Variants in RNF144A observed in about 807,000 individuals in gnomAD.
RNF144A encodes ring finger protein 144A.
A neutral mutation model predicts 38.7 loss-of-function variants in RNF144A; 11 were observed. That is an observed-to-expected ratio of 0.28 (90% CI 0.18 to 0.47). The LOEUF (loss-of-function observed/expected upper bound fraction) is 0.47. Ranked by LOEUF, RNF144A falls within the 20% of genes least tolerant of loss-of-function variation. The pLI is 0.99. For missense variants in RNF144A, 316 were observed against 377.2 expected (o/e 0.84, Z 1.34); for synonymous variants, 149 against 143.9 (o/e 1.04, Z -0.25).
At chr2:7,028,086 A>G (rs1407426436) in intron 7 of RNF144A, among the ~76,000 whole-genome samples, 4 of 152,092 alleles carry the variant, frequency 2.6e-5, no homozygotes, top group Admixed American at 1.3e-4. Flanking sequence ...AGGAGGCTGC[A>G]TGGCTAAGGG....
chr2:6,991,589 G>A (rs941513964), intron 2 of RNF144A, among the ~76,000 whole-genome samples: 2 of 152,096 alleles, frequency 1.3e-5, no homozygotes, highest in African/African-American at 4.8e-5. Flanking sequence ...TGACTAAATA[G>A]CCCTGTATGT....
intron 2 of RNF144A, among the ~76,000 whole-genome samples, chr2:6,954,852 G>A (rs527932339): frequency 1.3e-5 from 2 of 152,172 alleles, no homozygotes; most frequent in African/African-American, 2.4e-5. Context: ...CTTAGCTGTC[G>A]TCAAGTTGAT....
rs938953427 is a variant in RNF144A, at chr2:6,923,791, G to A, written c.-212+6169G>A. On this transcript the variant is annotated intron_variant, in intron 1 of 8. Coordinates refer to ENST00000320892, the MANE Select transcript of RNF144A (RefSeq NM_014746.6). ...GTTTTCCCCACCAGGTGCTTCCATA[G>A]CAACTTTATTTTTTTTTTTCAGAAC... Among the ~76,000 whole-genome samples, 3 of 140,646 alleles carry A rather than the reference G, an allele frequency of 2.1e-5. No individual in the cohort carries two copies. The East Asian group carries it at 8.8e-4, about 41-fold the overall frequency. The allele number at this position is 140,646 out of a possible 152,430, so 92.3% of individuals were successfully genotyped here. A position where few individuals can be genotyped will look rare whatever the true frequency, so the allele number is the denominator to read the frequency against.
At position 7,030,207 on chromosome 2, in the gene RNF144A, C is replaced by A; in HGVS notation, c.739C>A (p.Arg247=). Residue 247 remains arginine (R), a synonymous_variant, in exon 8 of 9, where the codon CGG becomes AGG. Transcript: ENST00000320892. ...GHSRASVIWH[R]TQVVGIFAGF... ...CTCCCGGGCATCTGTGATCTGGCAT[C>A]GGACACAGGTAGGAGGTGATTTGCC... 6.2e-7 allele frequency: 1 copy of A among 1,610,858 alleles called. No individual in the cohort carries two copies. The highest frequency in any genetic ancestry group is 8.5e-7 in the Non-Finnish European group (1 of 1,178,078).
chr2:6,998,125 A>G (rs1044552776), intron 3 of RNF144A, among the ~76,000 whole-genome samples: 5 of 152,078 alleles, frequency 3.3e-5, no homozygotes, highest in African/African-American at 1.2e-4. Context: ...AAAACACAAT[A>G]TTTATCATTT....
At chr2:7,006,241 G>T (rs1217527036) in intron 3 of RNF144A, among the ~76,000 whole-genome samples, 1 of 152,142 alleles carries the variant, frequency 6.6e-6, no homozygotes, top group Non-Finnish European at 1.5e-5. Context: ...CAGGGATGCT[G>T]TAGTTATAAC....
intron 1 of RNF144A, chr2:6,933,366 A>G (rs982865333): frequency 6.6e-6 from 1 of 152,234 alleles, no homozygotes; most frequent in South Asian, 2.1e-4. Context: ...TTGGATTTCT[A>G]TGTGGATTTC....
At chr2:7,035,366 T>C (rs1672601387) in intron 8 of RNF144A, among the ~76,000 whole-genome samples, 1 of 152,178 alleles carries the variant, frequency 6.6e-6, no homozygotes, top group South Asian at 2.1e-4. Context: ...CCATAAAACA[T>C]CCCTGTGCAC....
At chr2:6,927,740 A>G (rs1354075985) in intron 1 of RNF144A, among the ~76,000 whole-genome samples, 2 of 152,170 alleles carry the variant, frequency 1.3e-5, no homozygotes, top group Non-Finnish European at 2.9e-5. Flanking sequence ...TGTTATATAG[A>G]TTGTATGTTG....
intron 1 of RNF144A, among the ~76,000 whole-genome samples, chr2:6,923,666 C>T (rs1664684057): frequency 6.6e-6 from 1 of 152,168 alleles, no homozygotes; most frequent in Non-Finnish European, 1.5e-5. Flanking sequence ...AAGATGGAGC[C>T]GCACGGAGCA....
chr2:6,971,392 T>C (rs1667992699), intron 2 of RNF144A, among the ~76,000 whole-genome samples: 2 of 152,350 alleles, frequency 1.3e-5, no homozygotes, highest in South Asian at 4.1e-4. Context: ...TCCAGTCTTC[T>C]TCAGCATATC....
At position 6,941,410 on chromosome 2, in the gene RNF144A, C is replaced by T. The variant is rs73914438; in HGVS notation, c.-12+263C>T. Among the ~76,000 whole-genome samples, 1 of 152,212 alleles carries T rather than the reference C, an allele frequency of 6.6e-6. No homozygotes were observed. Among genetic ancestry groups the T allele is most frequent in the Non-Finnish European group, 1.5e-5 (1 of 68,032 alleles). The stretch of plus-strand genomic sequence containing the variant: ...TTATTCATTTGCTGCTTTTAACAAT[C>T]CTTGGAGTCTCCTGTTTTAGATCTC... On this transcript the variant is annotated intron_variant, in intron 2 of 8. Coordinates refer to ENST00000320892, the MANE Select transcript of RNF144A (RefSeq NM_014746.6). The surrounding 1 kb of genome is among the most constrained non-coding windows in gnomAD (Gnocchi z 6.5).
At chr2:6,930,161 C>T (rs1272588971) in intron 1 of RNF144A, among the ~76,000 whole-genome samples, 1 of 152,124 alleles carries the variant, frequency 6.6e-6, no homozygotes, top group Admixed American at 6.5e-5. Flanking sequence ...ATAATAGCCC[C>T]AAATGGAAAA....
intron 2 of RNF144A, among the ~76,000 whole-genome samples, chr2:6,954,565 C>A (rs968349469): frequency 6.6e-6 from 1 of 152,186 alleles, no homozygotes; most frequent in Non-Finnish European, 1.5e-5. Context: ...TCTGCAATTA[C>A]TGATTTTTGT....
chr2:6,990,876 A>G (rs1240174417), intron 2 of RNF144A, among the ~76,000 whole-genome samples: 1 of 152,050 alleles, frequency 6.6e-6, no homozygotes, highest in Non-Finnish European at 1.5e-5. Flanking sequence ...GCAACCACTG[A>G]TCTTTTTATT....
intron 2 of RNF144A, among the ~76,000 whole-genome samples, chr2:6,947,517 A>T (rs1305480170): frequency 6.6e-6 from 1 of 152,210 alleles, no homozygotes; most frequent in Non-Finnish European, 1.5e-5. Context: ...CCCGAGAAGA[A>T]AGTTTCTACA....
chr2:6,944,867 T>A lies in RNF144A; in HGVS notation c.-12+3720T>A, dbSNP rs1304989988. Among the ~76,000 whole-genome samples the A allele has an allele frequency of 6.6e-6, 1 of 152,186 alleles. No individual in the cohort carries two copies. The highest frequency in any genetic ancestry group is 1.5e-5 in the Non-Finnish European group (1 of 68,028). On this transcript the variant is annotated intron_variant, in intron 2 of 8. Coordinates refer to ENST00000320892, the MANE Select transcript of RNF144A (RefSeq NM_014746.6). This position sits in a 1 kb window ranked among gnomAD's most constrained non-coding sequence, Gnocchi z 4.7. ...GTGAAGTGGCCAAAATACTAGAAAA[T>A]GACATTCCAGCACGAGCAAAGATTT...
intron 1 of RNF144A, among the ~76,000 whole-genome samples, chr2:6,929,949 G>A (rs1250111206): frequency 1.3e-5 from 2 of 152,200 alleles, no homozygotes; most frequent in African/African-American, 2.4e-5. Flanking sequence ...TATAAATCAC[G>A]TTGGCTCAGC....
intron 6 of RNF144A, among the ~76,000 whole-genome samples, chr2:7,060,883 T>C (rs1296791102): frequency 6.6e-6 from 1 of 152,224 alleles, no homozygotes; most frequent in Non-Finnish European, 1.5e-5. Context: ...GGCACTTGTG[T>C]TGAATTGCAA....
Sources: allele counts gnomAD v4.1 joint callset (sites outside exome capture counted in the v4.1 genomes callset), GRCh38; gene constraint gnomAD v4.1.1; non-coding constraint Gnocchi (gnomAD v3.1); transcripts MANE v1.5; gene names NCBI Gene and HGNC (gene_info 2026-07-23, HGNC 2026-07-21).